Variants in EFCAB7 observed in about 807,000 individuals in gnomAD.
EFCAB7 encodes the protein EF-hand calcium binding domain 7, also known as EF-hand calcium-binding domain-containing protein 7.
In EFCAB7, 66 loss-of-function variants were observed where a neutral mutation model predicts 77.1. The ratio of observed to expected loss-of-function variants is 0.86; its 90% CI spans 0.70 to 1.05. EFCAB7 has a LOEUF of 1.05. Ranked by LOEUF, EFCAB7 falls within the 50% of genes least tolerant of loss-of-function variation. EFCAB7 has a pLI of 0.00. For synonymous variants in EFCAB7, 225 were observed against 243.3 expected, an observed-to-expected ratio of 0.92 and a Z score of 0.70; for missense variants, 638 against 730.5, an observed-to-expected ratio of 0.87 and a Z score of 1.46.
intron 8 of EFCAB7, among the ~76,000 whole-genome samples, chr1:63,553,264 A>C (rs1461408984): frequency 6.6e-6 from 1 of 152,018 alleles, no homozygotes; most frequent in Non-Finnish European, 1.5e-5. Context: ...CTGGTTTTTC[A>C]CTCCTGAGTC....
chr1:63,574,059 A>G (rs1168990534), downstream of EFCAB7, among the ~76,000 whole-genome samples: 1 of 152,156 alleles, frequency 6.6e-6, no homozygotes, highest in Non-Finnish European at 1.5e-5. Flanking sequence ...GCCTCTACCC[A>G]TCCAATGAAA....
At chr1:63,551,980 T>A in intron 8 of EFCAB7, 146 bp downstream of exon 8, 1 of 271,026 alleles carries the variant, frequency 3.7e-6, no homozygotes, top group Non-Finnish European at 6.8e-6. Context: ...ATAGATATTA[T>A]ATGTTTTTAA....
chr1:63,537,728 T>C (rs1336153956), intron 6 of EFCAB7, among the ~76,000 whole-genome samples: 1 of 152,174 alleles, frequency 6.6e-6, no homozygotes, highest in African/African-American at 2.4e-5. Flanking sequence ...CAACAACTGG[T>C]TACCTACCTG....
At chr1:63,569,141 G>A (rs893323618) in intron 12 of EFCAB7, 1 of 152,098 alleles carries the variant, frequency 6.6e-6, no homozygotes, top group Non-Finnish European at 1.5e-5. Flanking sequence ...AGATGGCTAG[G>A]TGCTCAGTAC....
At chr1:63,567,434 CAA>C (rs756987995) in intron 11 of EFCAB7, among the ~76,000 whole-genome samples, 1 of 150,564 alleles carries the variant, frequency 6.6e-6, no homozygotes, top group Non-Finnish European at 1.5e-5. Context: ...GCCTGGGCGA[CAA>C]GAGCAAAACT....
At chr1:63,525,505 G>A in intron 1 of EFCAB7, 67 bp from the exon 2 acceptor site, 1 of 1,258,048 alleles carries the variant, frequency 7.9e-7, no homozygotes. Context: ...GTATTTGAAA[G>A]ACATGGTGAC....
chr1:63,542,690 T>A (rs539073993), intron 6 of EFCAB7, among the ~76,000 whole-genome samples: 21 of 152,306 alleles, frequency 1.4e-4, no homozygotes, highest in African/African-American at 4.8e-4. Context: ...TTATGATTTG[T>A]CTTTCCTTAA....
chr1:63,547,198 C>T (rs959019087), intron 7 of EFCAB7: 1 of 152,120 alleles, frequency 6.6e-6, no homozygotes, highest in African/African-American at 2.4e-5. Flanking sequence ...CCTGCAAATT[C>T]AGTGTAGTTG....
At chr1:63,538,925 T>C (rs1646796285) in intron 6 of EFCAB7, among the ~76,000 whole-genome samples, 1 of 152,236 alleles carries the variant, frequency 6.6e-6, no homozygotes, top group African/African-American at 2.4e-5. Flanking sequence ...TAATGTGGTA[T>C]TTGTCTTACT....
intron 6 of EFCAB7, among the ~76,000 whole-genome samples, chr1:63,545,560 A>T: frequency 6.6e-6 from 1 of 151,982 alleles, no homozygotes; most frequent in East Asian, 1.9e-4. Context: ...TCTGCCTCCC[A>T]GGTTCACGCA....
rs375245820 is a variant in EFCAB7 at position 63,531,905 on chromosome 1, T to C, written c.273T>C (p.Asp91=). The C allele has an allele frequency of 2.7e-5, 44 of 1,613,322 alleles. No individual in the cohort carries two copies. The African/African-American group carries it at 4.9e-4, about 18-fold the overall frequency. ...AAACTGCCAAACTGAATTTTGATGA[T>C]TTTTGTATAATTTTAAGGAAGGAAA... ...TPQTAKLNFD[D]FCIILRKEKP... Residue 91 remains aspartate (D), a synonymous_variant, in exon 3 of 14, where the codon GAT becomes GAC. Transcript: ENST00000371088.
At chr1:63,557,687 T>C (rs998511054) in intron 10 of EFCAB7, among the ~76,000 whole-genome samples, 5 of 152,208 alleles carry the variant, frequency 3.3e-5, no homozygotes, top group African/African-American at 9.7e-5. Flanking sequence ...GCTTTTCGTA[T>C]TTGAGTTGAA....
intron 2 of EFCAB7, among the ~76,000 whole-genome samples, chr1:63,526,973 C>T (rs1646602909): frequency 6.6e-6 from 1 of 152,210 alleles, no homozygotes; most frequent in Admixed American, 6.5e-5. Context: ...CCATGTTGGC[C>T]AGGCTGGTCT....
intron 7 of EFCAB7, chr1:63,550,458 A>G (rs540454482): frequency 6.6e-6 from 1 of 152,258 alleles, no homozygotes; most frequent in East Asian, 1.9e-4. Flanking sequence ...AATGAAGTCT[A>G]TTATTTGTTG....
chr1:63,551,800 A>G lies in EFCAB7; in HGVS notation c.1022A>G (p.Gln341Arg). 6.3e-7 allele frequency: 1 copy of G among 1,596,548 alleles called. No homozygotes were observed. The highest frequency in any genetic ancestry group is 1.2e-5 in the South Asian group (1 of 86,756). The change falls in exon 8 of 14, where the codon CAG (glutamine) becomes CGG (arginine). Residue 341 changes from glutamine to arginine, a missense_variant. Physicochemically the swap from Gln to Arg is conservative, Grantham distance 43 (BLOSUM62 1). Transcript: ENST00000371088. Reference protein sequence around the residue: ...LKENESQANLQLVCFTELRNR... With the variant: ...LKENESQANLRLVCFTELRNR... The stretch of plus-strand genomic sequence containing the variant: ...GAAAATGAGAGTCAAGCAAATCTAC[A>G]GCTTGTGTGTTTTACCGAACTACGA...
intron 11 of EFCAB7, among the ~76,000 whole-genome samples, chr1:63,563,009 G>A (rs959344032): frequency 6.6e-6 from 1 of 152,086 alleles, no homozygotes; most frequent in African/African-American, 2.4e-5. Context: ...AATAGGAGGT[G>A]AATAGTTATG....
chr1:63,573,533 G>A (rs1007782113), downstream of EFCAB7, among the ~76,000 whole-genome samples: 10 of 152,214 alleles, frequency 6.6e-5, no homozygotes, highest in South Asian at 8.3e-4. Flanking sequence ...AAGAGTGGCC[G>A]TTTGGGGATA....
intron 2 of EFCAB7, 130 bp from the exon 3 acceptor site, chr1:63,531,690 C>A: frequency 1.2e-6 from 1 of 823,714 alleles, no homozygotes; most frequent in East Asian, 2.9e-5. Context: ...AAGTCAACAC[C>A]AAAGTAATGT....
At chr1:63,551,619 C>G in intron 7 of EFCAB7, 106 bp from the exon 8 acceptor site, 1 of 451,988 alleles carries the variant, frequency 2.2e-6, no homozygotes, top group Non-Finnish European at 3.6e-6. Flanking sequence ...ATATGTATTT[C>G]TAAAGAAAAT....
Sources: gnomAD v4.1 joint callset for allele counts (sites outside exome capture counted in the v4.1 genomes callset) on GRCh38, gnomAD v4.1.1 for gene constraint, MANE v1.5 for transcripts, NCBI Gene and HGNC (gene_info 2026-07-23, HGNC 2026-07-21) for gene names.